The following ARID1A variants were observed in gnomAD, a reference collection of about 807,000 sequenced individuals.
ARID1A encodes the protein AT-rich interactive domain-containing protein 1A.
In ARID1A, 20 loss-of-function variants were observed where a neutral mutation model predicts 212.6. That is an observed-to-expected ratio of 0.09 (90% CI 0.07 to 0.14). ARID1A has a LOEUF of 0.14. Among genes scored for constraint, ARID1A ranks in the 10% least tolerant of loss-of-function variants. The pLI is 1.00. For synonymous variants in ARID1A, 1,376 were observed against 1,222.1 expected, an observed-to-expected ratio of 1.13 and a Z score of -2.63; for missense variants, 2,587 against 3,059.0, an observed-to-expected ratio of 0.85 and a Z score of 3.64.
At chr1:26,706,083 C>T (rs2080389436) in intron 1 of ARID1A, among the ~76,000 whole-genome samples, 1 of 152,174 alleles carries the variant, frequency 6.6e-6, no homozygotes, top group African/African-American at 2.4e-5. Context: ...GGGTACTGAG[C>T]TAAGTGCTCT....
intron 1 of ARID1A, among the ~76,000 whole-genome samples, chr1:26,716,451 T>A (rs927677373): frequency 6.6e-6 from 1 of 152,176 alleles, no homozygotes; most frequent in African/African-American, 2.4e-5. Flanking sequence ...ACTGTTTTTT[T>A]AAATTTTTAT....
At chr1:26,775,447 T>C in intron 18 of ARID1A, 130 bp from the exon 19 acceptor site, 1 of 1,434,254 alleles carries the variant, frequency 7.0e-7, no homozygotes, top group Non-Finnish European at 9.3e-7. Flanking sequence ...GCTGGTGTGT[T>C]TCATCTCCCA....
rs2124790369 is a variant in ARID1A, at chr1:26,731,569, A to G, written c.1768A>G (p.Thr590Ala). ...GCCCCAGTCTCAGCAGTCCCAGCAAACTGCCTATTCCCAGCAGCGCTTCCC... is the reference window on the plus strand; with the variant it reads ...GCCCCAGTCTCAGCAGTCCCAGCAAGCTGCCTATTCCCAGCAGCGCTTCCC... ...PQPQSQQSQQ[T>A]AYSQQRFPPP... Residue 590 changes from threonine to alanine, a missense_variant, in exon 3 of 20, where the codon ACT (threonine) becomes GCT (alanine). By Grantham distance (58) the Thr-to-Ala change is moderately conservative. Coordinates refer to ENST00000324856, the MANE Select transcript of ARID1A (RefSeq NM_006015.6). 1 of 1,614,044 alleles carries G rather than the reference A, an allele frequency of 6.2e-7. No homozygotes were observed.
At chr1:26,738,516 G>A (rs1285862506) in intron 4 of ARID1A, among the ~76,000 whole-genome samples, 1 of 152,168 alleles carries the variant, frequency 6.6e-6, no homozygotes, top group Non-Finnish European at 1.5e-5. Flanking sequence ...ATGAACCTGA[G>A]CAGCATCCAT....
intron 1 of ARID1A, among the ~76,000 whole-genome samples, chr1:26,712,036 G>A (rs1182183253): frequency 6.6e-6 from 1 of 152,008 alleles, no homozygotes; most frequent in East Asian, 1.9e-4. Flanking sequence ...AGCCATGATG[G>A]CACCACTGCA....
chr1:26,780,826 C>T lies in ARID1A; in HGVS notation c.*70C>T. On this transcript the variant is annotated 3_prime_UTR_variant, in exon 20 of 20. Transcript: ENST00000324856. The surrounding 1 kb of genome is among the most constrained non-coding windows in gnomAD (Gnocchi z 7.2). ...GAGAACTTAGAAACTGACTGTTGCC[C>T]TTTATTTATGCAAAACCACCTCAGA... is the stretch of plus-strand genomic sequence containing the variant. The T allele has an allele frequency of 6.7e-7, 1 of 1,501,078 alleles. No homozygotes were observed. The highest frequency in any genetic ancestry group is 8.9e-7 in the Non-Finnish European group (1 of 1,126,982). 93.0% of individuals were successfully genotyped at this position (1,501,078 alleles called of 1,614,324 possible).
chr1:26,723,398 A>AGCGGAGGACGGGGTGCCTTTGTAT (rs1380987207), intron 1 of ARID1A, among the ~76,000 whole-genome samples: 2 of 152,172 alleles, frequency 1.3e-5, no homozygotes, highest in African/African-American at 4.8e-5. Flanking sequence ...AATCACAGGA[A>AGCGGAGGACGGGGTGCCTTTGTAT]GCGGAGGACG....
chr1:26,778,968 C>T (rs2081163292), intron 19 of ARID1A, 55 bp from the exon 20 acceptor site: 1 of 1,477,172 alleles, frequency 6.8e-7, no homozygotes, highest in Non-Finnish European at 9.0e-7. Context: ...GTCAATAATT[C>T]TGTTCTTAGG....
At chr1:26,773,291 A>G in intron 14 of ARID1A, 55 bp from the exon 15 acceptor site, 1 of 1,519,434 alleles carries the variant, frequency 6.6e-7, no homozygotes, top group South Asian at 1.3e-5. Context: ...CAAAGGGTAG[A>G]TTACCAGGCT....
At chr1:26,700,941 G>A (rs2080326481) in intron 1 of ARID1A, among the ~76,000 whole-genome samples, 1 of 152,202 alleles carries the variant, frequency 6.6e-6, no homozygotes, top group African/African-American at 2.4e-5. Flanking sequence ...AAAGCAGCCA[G>A]GACCAGGTTT....
rs372543523 is a variant in ARID1A, at chr1:26,779,809, C to G, written c.5911C>G (p.Leu1971Val). The change falls in exon 20 of 20, where the codon CTG becomes GTG. Residue 1971 changes from leucine to valine, a missense_variant. Leu to Val is a conservative substitution (Grantham distance 32). Coordinates refer to ENST00000324856, the MANE Select transcript of ARID1A (RefSeq NM_006015.6). ...GGATGAGACCCCACTGTGTACCCTT[C>G]TGGACTGGCAGGATTCTCTTGCCAA... ...SKDETPLCTL[L>V]DWQDSLAKRC... 1 of 1,614,118 alleles carries G rather than the reference C, an allele frequency of 6.2e-7. No homozygotes were observed. Among genetic ancestry groups the G allele is most frequent in the Non-Finnish European group, 8.5e-7 (1 of 1,180,024 alleles).
At chr1:26,732,599 TA>T in intron 3 of ARID1A, 76 bp from the exon 4 acceptor site, 1 of 1,189,922 alleles carries the variant, frequency 8.4e-7, no homozygotes, top group Non-Finnish European at 1.2e-6. Context: ...GACAGTCCCA[TA>T]ACCCTTTCAC....
chr1:26,753,272 T>G (rs1416580672), intron 4 of ARID1A: 1 of 152,232 alleles, frequency 6.6e-6, no homozygotes, highest in Non-Finnish European at 1.5e-5. Flanking sequence ...GGCATGGTTT[T>G]GTTGTGGTGT....
chr1:26,706,757 G>C (rs1341620781), intron 1 of ARID1A, among the ~76,000 whole-genome samples: 1 of 152,168 alleles, frequency 6.6e-6, no homozygotes, highest in African/African-American at 2.4e-5. Flanking sequence ...GTTTATTACT[G>C]TGTCTCTTTG....
At chr1:26,746,165 T>G (rs898073477) in intron 4 of ARID1A, among the ~76,000 whole-genome samples, 2 of 152,200 alleles carry the variant, frequency 1.3e-5, no homozygotes, top group African/African-American at 4.8e-5. Flanking sequence ...TTTCTAGATT[T>G]CTAGGCAAAG....
At chr1:26,763,469 G>A (rs1426175743) in intron 8 of ARID1A, among the ~76,000 whole-genome samples, 184 bp downstream of exon 8, 1 of 152,200 alleles carries the variant, frequency 6.6e-6, no homozygotes, top group African/African-American at 2.4e-5. Flanking sequence ...TATGTAATGA[G>A]CTTTATAAAA....
At chr1:26,710,028 C>T (rs1469952985) in intron 1 of ARID1A, among the ~76,000 whole-genome samples, 11 of 146,528 alleles carry the variant, frequency 7.5e-5, no homozygotes, top group Admixed American at 6.1e-4. Flanking sequence ...GACGGGGTTT[C>T]ACCACGTTGG....
At chr1:26,773,293 T>C (rs1427675653) in intron 14 of ARID1A, 53 bp from the exon 15 acceptor site, 4 of 1,522,720 alleles carry the variant, frequency 2.6e-6, no homozygotes, top group Non-Finnish European at 8.8e-7. Context: ...AAGGGTAGAT[T>C]ACCAGGCTTG....
intron 4 of ARID1A, among the ~76,000 whole-genome samples, chr1:26,739,103 G>C (rs2080762463): frequency 1.3e-5 from 2 of 150,782 alleles, no homozygotes; most frequent in South Asian, 4.2e-4. Flanking sequence ...TGGCCAGGCT[G>C]GTCTTGAACT....
Sources: gnomAD v4.1 joint callset for allele counts (sites outside exome capture counted in the v4.1 genomes callset) on GRCh38, gnomAD v4.1.1 for gene constraint, Gnocchi (gnomAD v3.1) non-coding constraint, MANE v1.5 for transcripts, NCBI Gene and HGNC (gene_info 2026-07-23, HGNC 2026-07-21) for gene names.